SIGLEC12: variants seen among roughly 807,000 people sequenced by gnomAD.
SIGLEC12 encodes sialic acid binding Ig like lectin 12, also known as sialic acid-binding Ig-like lectin 12.
A neutral mutation model predicts 54.1 loss-of-function variants in SIGLEC12; 43 were observed. The observed-to-expected ratio is 0.80, with a 90% CI of 0.62 to 1.03. The LOEUF is 1.03. SIGLEC12 is among the 50% of genes least tolerant of loss of function. The probability of loss-of-function intolerance (pLI) is 0.00; values close to 1 mark genes in which losing one functional copy is unlikely to be tolerated. For synonymous variants in SIGLEC12, 357 were observed against 307.6 expected (o/e 1.16, Z -1.68); for missense variants, 802 against 735.2 (o/e 1.09, Z -1.05).
In SIGLEC12 at chr19:51,499,947, A is replaced by G; in HGVS notation, c.781T>C (p.Tyr261His). Residue 261 changes from tyrosine (Y) to histidine (H), a missense_variant, in exon 2 of 8, where the codon TAT becomes CAT. Physicochemically the swap from Tyr to His is moderately conservative, Grantham distance 83 (BLOSUM62 2). Coordinates refer to ENST00000291707, the MANE Select transcript of SIGLEC12 (RefSeq NM_053003.4). The stretch of plus-strand genomic sequence containing the variant: ...GTCACATGCACAGAGAGCTTGTCAT[A>G]TATGTAGTTCCATTTCCTGCTTCCT... ...ERGSRKWNYI[Y>H]DKLSVHVTAL... 6.2e-7 allele frequency: 1 copy of G among 1,613,430 alleles called. No homozygotes were observed. The highest frequency in any genetic ancestry group is 8.5e-7 in the Non-Finnish European group (1 of 1,179,628).
Position 51,491,849 on chromosome 19 carries a change from G to T in SIGLEC12, c.1600-20C>A. On this transcript the variant is annotated intron_variant, in intron 7 of 7. Transcript: ENST00000291707. ...GGGTCCCTGAATGGAGGAAGAGAAGGGAGTCAGTGCAGAGCAGTGGGGCCA... is the reference window on the plus strand; with the variant it reads ...GGGTCCCTGAATGGAGGAAGAGAAGTGAGTCAGTGCAGAGCAGTGGGGCCA... 6.5e-7 allele frequency: 1 copy of T among 1,537,584 alleles called. No individual in the cohort carries two copies. Among genetic ancestry groups the T allele is most frequent in the African/African-American group, 1.4e-5 (1 of 73,090 alleles).
chr19:51,500,444 TG>T, intron 1 of SIGLEC12, 144 bp from the exon 2 acceptor site: 1 of 1,471,198 alleles, frequency 6.8e-7, no homozygotes. Flanking sequence ...GGCAGGGCTG[TG>T]GGACCCACAG....
intron 7 of SIGLEC12, among the ~76,000 whole-genome samples, chr19:51,493,802 T>C (rs1197383249): frequency 3.3e-5 from 5 of 152,182 alleles, no homozygotes; most frequent in African/African-American, 4.8e-5. Context: ...ACCAGCCTCC[T>C]CTCTATCTTC....
intron 7 of SIGLEC12, 148 bp downstream of exon 7, chr19:51,496,732 T>C: frequency 1.2e-6 from 1 of 805,840 alleles, no homozygotes; most frequent in Non-Finnish European, 2.0e-6. Context: ...GGGAGGGCAA[T>C]GAAAGCTGTT....
rs767248669 is a variant in SIGLEC12, at chr19:51,491,700, A to G, written c.1729T>C (p.Tyr577His). ...CCGATGGCCTCCTGTTCCTGTGGGT[A>G]CTGAGGCCTCGCTTTGTGGAAGCTG... ...SLSFHKARPQ[Y>H]PQEQEAIGYE... The change falls in exon 8 of 8, where the codon TAC becomes CAC. Residue 577 changes from tyrosine to histidine, a missense_variant. By Grantham distance (83) the Tyr-to-His change is moderately conservative. Coordinates refer to ENST00000291707, the MANE Select transcript of SIGLEC12 (RefSeq NM_053003.4). 3 of 1,613,624 alleles carry G rather than the reference A, an allele frequency of 1.9e-6. No individual in the cohort carries two copies. Among genetic ancestry groups the G allele is most frequent in the African/African-American group, 1.3e-5 (1 of 74,796 alleles).
chr19:51,497,928 C>T, intron 5 of SIGLEC12, 90 bp downstream of exon 5: 2 of 1,547,196 alleles, frequency 1.3e-6, no homozygotes, highest in Non-Finnish European at 1.8e-6. Flanking sequence ...GACTGTGATG[C>T]TGTGGGTTGC....
rs370999392 is a variant in SIGLEC12, at chr19:51,491,648, G to C, written c.1781C>G (p.Pro594Arg). Reference protein sequence around the residue: ...IGYEYSEINIPK With the variant: ...IGYEYSEINIRK Reference sequence around the variant, plus strand: ...CTGAGTCTCTGCAGTTTCTCACTTGGGGATGTTGATCTCGGAGTACTCATA... The same window carrying C: ...CTGAGTCTCTGCAGTTTCTCACTTGCGGATGTTGATCTCGGAGTACTCATA... Residue 594 changes from proline (P) to arginine (R), a missense_variant, in exon 8 of 8, where the codon CCC (proline) becomes CGC (arginine). Transcript: ENST00000291707. 6.2e-7 allele frequency: 1 copy of C among 1,614,002 alleles called. No individual in the cohort carries two copies.
chr19:51,501,198 C>T (rs576836945), intron 1 of SIGLEC12, 109 bp downstream of exon 1: 6 of 1,203,180 alleles, frequency 5.0e-6, no homozygotes, highest in Admixed American at 3.7e-5. Context: ...CAGCTCCTCC[C>T]CTGAGTCCAT....
At chr19:51,495,761 T>C (rs542954412) in intron 7 of SIGLEC12, among the ~76,000 whole-genome samples, 1 of 152,318 alleles carries the variant, frequency 6.6e-6, no homozygotes, top group South Asian at 2.1e-4. Flanking sequence ...AGATGCTCTA[T>C]AACTTTTCCT....
intron 1 of SIGLEC12, among the ~76,000 whole-genome samples, chr19:51,500,573 C>A (rs1172357649): frequency 1.3e-5 from 2 of 152,108 alleles, no homozygotes; most frequent in Non-Finnish European, 2.9e-5. Flanking sequence ...CTCAGAGACC[C>A]TAGAGACCCA....
At chr19:51,493,447 C>T (rs993970461) in intron 7 of SIGLEC12, among the ~76,000 whole-genome samples, 2 of 152,230 alleles carry the variant, frequency 1.3e-5, no homozygotes, top group Non-Finnish European at 2.9e-5. Context: ...CAGCCCTCTC[C>T]CCTCTGCTGA....
chr19:51,492,176 G>A (rs1990122682), intron 7 of SIGLEC12, among the ~76,000 whole-genome samples: 1 of 152,164 alleles, frequency 6.6e-6, no homozygotes, highest in Non-Finnish European at 1.5e-5. Flanking sequence ...CTGGAGTCCT[G>A]CTGAGGCCTC....
At chr19:51,500,351 G>A in intron 1 of SIGLEC12, 51 bp from the exon 2 acceptor site, 2 of 1,613,926 alleles carry the variant, frequency 1.2e-6, no homozygotes, top group Non-Finnish European at 1.7e-6. Context: ...CTCTTCATTT[G>A]CCCATAGCAG....
intron 4 of SIGLEC12, 112 bp downstream of exon 4, chr19:51,499,055 AGGG>A: frequency 9.8e-7 from 1 of 1,023,740 alleles, no homozygotes; most frequent in South Asian, 1.4e-5. Flanking sequence ...AGGCTGAGGG[AGGG>A]GGGGGCCGGG....
At chr19:51,499,023 T>C (rs950785319) in intron 4 of SIGLEC12, 147 bp downstream of exon 4, 2 of 707,660 alleles carry the variant, frequency 2.8e-6, no homozygotes, top group African/African-American at 1.8e-5. Context: ...GATGAGAAGG[T>C]GCTCAGGTGG....
chr19:51,500,660 G>A (rs541723996), intron 1 of SIGLEC12, among the ~76,000 whole-genome samples: 5 of 152,036 alleles, frequency 3.3e-5, no homozygotes, highest in Admixed American at 1.3e-4. Flanking sequence ...CACCAGACAC[G>A]TAGGTCCTGC....
At position 51,499,970 on chromosome 19, in the gene SIGLEC12, C is replaced by T; in HGVS notation, c.758G>A (p.Gly253Glu). The T allele has an allele frequency of 6.2e-7, 1 of 1,614,104 alleles. No individual in the cohort carries two copies. ...ATATATGTAGTTCCATTTCCTGCTT[C>T]CTCTCTCCACCTGGAAGTAGTACTT... ...SGKYYFQVER[G>E]SRKWNYIYDK... is the part of the protein sequence containing the mutation. The change falls in exon 2 of 8, where the codon GGA (glycine) becomes GAA (glutamate). Residue 253 changes from glycine to glutamate, a missense_variant. Physicochemically the swap from Gly to Glu is moderately conservative, Grantham distance 98. Coordinates refer to ENST00000291707, the MANE Select transcript of SIGLEC12 (RefSeq NM_053003.4).
In SIGLEC12 at chr19:51,499,949, A is replaced by G. The variant is rs770256609; in HGVS notation, c.779T>C (p.Ile260Thr). The change falls in exon 2 of 8, where the codon ATA becomes ACA. Residue 260 changes from isoleucine (I) to threonine (T), a missense_variant. Coordinates refer to ENST00000291707, the MANE Select transcript of SIGLEC12 (RefSeq NM_053003.4). ...VERGSRKWNY[I>T]YDKLSVHVTA... ...CACATGCACAGAGAGCTTGTCATAT[A>G]TGTAGTTCCATTTCCTGCTTCCTCT... The G allele has an allele frequency of 8.7e-6, 14 of 1,613,536 alleles. No homozygotes were observed.
rs201580859 is a variant in SIGLEC12 at position 51,500,238 on chromosome 19, C to T, written c.490G>A (p.Gly164Ser). The T allele has an allele frequency of 2.5e-6, 4 of 1,614,164 alleles. No individual in the cohort carries two copies. The East Asian group carries it at 8.9e-5, about 36-fold the overall frequency. The change falls in exon 2 of 8, where the codon GGT becomes AGT. Residue 164 changes from glycine to serine, a missense_variant. By Grantham distance (56) the Gly-to-Ser change is moderately conservative. Coordinates refer to ENST00000291707, the MANE Select transcript of SIGLEC12 (RefSeq NM_053003.4). ...EVPESVTVQE[G>S]LCVSVPCSVL... ...CTGCAGGGCACAGAGACACACAGACCCTCCTGCACAGTCACCGACTCTGGC... is the reference window on the plus strand; with the variant it reads ...CTGCAGGGCACAGAGACACACAGACTCTCCTGCACAGTCACCGACTCTGGC...
Sources: gnomAD v4.1 joint callset for allele counts (sites outside exome capture counted in the v4.1 genomes callset) on GRCh38, gnomAD v4.1.1 for gene constraint, MANE v1.5 for transcripts, NCBI Gene and HGNC (gene_info 2026-07-23, HGNC 2026-07-21) for gene names.